The following SLC6A20 variants were observed in gnomAD, a reference collection of about 807,000 sequenced individuals.
SLC6A20 encodes sodium- and chloride-dependent transporter XTRP3.
SLC6A20 carries 73 observed loss-of-function variants against 64.3 expected under a neutral mutation model. The observed-to-expected ratio is 1.14, with a 90% confidence interval of 0.94 to 1.38. SLC6A20 has a LOEUF of 1.38. Among genes scored for constraint, SLC6A20 ranks in the 40% most tolerant of loss-of-function variants. The pLI, the probability that SLC6A20 is intolerant of heterozygous loss-of-function variation, is 0.00. For missense variants in SLC6A20, 725 were observed against 772.8 expected (o/e 0.94, Z 0.73); for synonymous variants, 347 against 329.6 (o/e 1.05, Z -0.57).
chr3:45,758,929 G>A lies in SLC6A20; in HGVS notation c.*49C>T, dbSNP rs760029237. On this transcript the variant is annotated 3_prime_UTR_variant, in exon 11 of 11. Transcript: ENST00000358525. ...TTGAAAAAGCAGCCGAGGAGTTTCC[G>A]CCTGTAAATAGTATCTGTAAAACCG... 18 of 1,532,686 alleles carry A rather than the reference G, an allele frequency of 1.2e-5. No individual in the cohort carries two copies. Among genetic ancestry groups the A allele is most frequent in the Non-Finnish European group, 1.5e-5 (17 of 1,139,036 alleles). 94.9% of individuals were successfully genotyped at this position (1,532,686 alleles called of 1,614,324 possible).
rs886058538 is a variant in SLC6A20 at position 45,758,334 on chromosome 3, G to A, written c.*644C>T. ...CTAATGTGGTTTGGGGTTGCAAACT[G>A]TAGTTGGGGCAATTTTTTGTAGAGA... On this transcript the variant is annotated 3_prime_UTR_variant, in exon 11 of 11. Transcript: ENST00000358525. 1.5e-5 allele frequency: 14 copies of A among 954,678 alleles called. No individual in the cohort carries two copies. Among genetic ancestry groups the A allele is most frequent in the Non-Finnish European group, 1.9e-5 (13 of 696,636 alleles). 59.1% of individuals were successfully genotyped at this position (954,678 alleles called of 1,614,324 possible).
At chr3:45,786,970 C>A (rs1045690483) in intron 1 of SLC6A20, among the ~76,000 whole-genome samples, 1 of 152,236 alleles carries the variant, frequency 6.6e-6, no homozygotes, top group Non-Finnish European at 1.5e-5. Flanking sequence ...CACCACCTCC[C>A]TGGCACCCAC....
In SLC6A20 at chr3:45,776,002, G is replaced by A. The variant is rs779518157; in HGVS notation, c.355-14C>T. ...CGGCAGGGGATCCTGTGGGACCAAA[G>A]CAAGTGTTATCCAGGGAGGTGAAGG... On this transcript the variant is annotated splice_polypyrimidine_tract_variant and intron_variant, in intron 3 of 10. Coordinates refer to ENST00000358525, the MANE Select transcript of SLC6A20 (RefSeq NM_020208.4). The A allele has an allele frequency of 1.9e-6, 3 of 1,613,116 alleles. No individual in the cohort carries two copies. The African/African-American group carries it at 4.0e-5, about 22-fold the overall frequency.
intron 1 of SLC6A20, among the ~76,000 whole-genome samples, chr3:45,787,159 T>C (rs1700183232): frequency 6.6e-6 from 1 of 152,194 alleles, no homozygotes; most frequent in South Asian, 2.1e-4. Context: ...ACTCCCTCCC[T>C]TGACCTCTGA....
At chr3:45,789,862 G>C (rs1700221289) in intron 1 of SLC6A20, among the ~76,000 whole-genome samples, 1 of 152,122 alleles carries the variant, frequency 6.6e-6, no homozygotes, top group African/African-American at 2.4e-5. Context: ...AAAGTGCTGG[G>C]ATTACAGGCA....
chr3:45,762,737 T>A (rs976709288), intron 9 of SLC6A20, among the ~76,000 whole-genome samples, 176 bp downstream of exon 9: 2 of 152,148 alleles, frequency 1.3e-5, no homozygotes, highest in African/African-American at 4.8e-5. Flanking sequence ...AAACTGAGCA[T>A]GGAATAGAGG....
At chr3:45,785,913 G>A (rs2125655071) in intron 1 of SLC6A20, among the ~76,000 whole-genome samples, 1 of 152,204 alleles carries the variant, frequency 6.6e-6, no homozygotes, top group East Asian at 1.9e-4. Flanking sequence ...GTGTGCCTGA[G>A]ACAGCCATGT....
chr3:45,792,927 A>C (rs554075308), intron 1 of SLC6A20, among the ~76,000 whole-genome samples: 12 of 152,186 alleles, frequency 7.9e-5, no homozygotes, highest in Non-Finnish European at 1.8e-4. Context: ...AGTGTGGTCC[A>C]TGGACCAAGC....
chr3:45,773,168 T>C (rs1027373294), intron 4 of SLC6A20, among the ~76,000 whole-genome samples: 3 of 152,120 alleles, frequency 2.0e-5, no homozygotes, highest in Non-Finnish European at 2.9e-5. Flanking sequence ...GGAGGACAGA[T>C]TTCCCCAGGA....
At chr3:45,771,686 T>C (rs1003542278) in intron 5 of SLC6A20, 3 of 646,112 alleles carry the variant, frequency 4.6e-6, no homozygotes, top group South Asian at 3.9e-5. Context: ...CTGTGGAGAA[T>C]ACAGGTGCTA....
At chr3:45,770,902 C>T (rs1441300306) in intron 6 of SLC6A20, among the ~76,000 whole-genome samples, 1 of 152,226 alleles carries the variant, frequency 6.6e-6, no homozygotes, top group East Asian at 1.9e-4. Context: ...GTGAATCCTG[C>T]AATCTCTGTG....
intron 3 of SLC6A20, among the ~76,000 whole-genome samples, chr3:45,779,703 TAGTG>T (rs777060873): frequency 3.2e-4 from 48 of 152,330 alleles, no homozygotes; most frequent in Non-Finnish European, 5.6e-4. Context: ...TAGTTCTTAA[TAGTG>T]TGTGTGTGGG....
At chr3:45,775,693 G>A in intron 4 of SLC6A20, 68 bp downstream of exon 4, 1 of 1,473,464 alleles carries the variant, frequency 6.8e-7, no homozygotes, top group Non-Finnish European at 9.2e-7. Flanking sequence ...TGGAGACAGA[G>A]GCAGCTGCCC....
chr3:45,796,159 G>A (rs1700341910), intron 1 of SLC6A20, 140 bp downstream of exon 1: 4 of 1,457,964 alleles, frequency 2.7e-6, no homozygotes, highest in Admixed American at 2.1e-5. Flanking sequence ...GAACACTCCC[G>A]GGTCTGTAAC....
intron 2 of SLC6A20, among the ~76,000 whole-genome samples, chr3:45,780,676 C>T (rs933744554): frequency 2.0e-5 from 3 of 152,146 alleles, no homozygotes; most frequent in Admixed American, 1.3e-4. Context: ...CAGGGTGCGG[C>T]CTGAGAGCAC....
rs1368008400 is a variant in SLC6A20 at position 45,770,360 on chromosome 3, A to C, written c.947T>G (p.Leu316Arg). 1 of 1,614,042 alleles carries C rather than the reference A, an allele frequency of 6.2e-7. No individual in the cohort carries two copies. Among genetic ancestry groups the C allele is most frequent in the East Asian group, 2.2e-5 (1 of 44,892 alleles). Residue 316 changes from leucine to arginine, a missense_variant, in exon 7 of 11, where the codon CTG becomes CGG. Leu to Arg is a moderately radical substitution (Grantham distance 102). Transcript: ENST00000358525. ...YENCLKKVSL[L>R]LTNTFDLEDG... ...TTCAAGGTCAAAAGTGTTGGTCAGC[A>C]GCAGACTCACCCTGCAGAGCAGACC...
chr3:45,757,721 C>T lies in SLC6A20; in HGVS notation c.*1257G>A, dbSNP rs145987519. 51 of 157,128 alleles carry T rather than the reference C, an allele frequency of 3.2e-4. 1 individual carries two copies. In the East Asian group the frequency reaches 8.3e-3, roughly 26 times the overall value. The allele number at this position is 157,128 out of a possible 1,614,324, so 9.7% of individuals were successfully genotyped here. On this transcript the variant is annotated 3_prime_UTR_variant, in exon 11 of 11. Transcript: ENST00000358525. ...GTAACAATCTGATCTTTCTTTTCCCCACATGGACTAATGCGATATCATAGA... is the reference window on the plus strand; with the variant it reads ...GTAACAATCTGATCTTTCTTTTCCCTACATGGACTAATGCGATATCATAGA...
chr3:45,793,264 A>G (rs1239092363), intron 1 of SLC6A20, among the ~76,000 whole-genome samples: 1 of 152,136 alleles, frequency 6.6e-6, no homozygotes, highest in Non-Finnish European at 1.5e-5. Flanking sequence ...AAAAAAATCC[A>G]TATTTCCACC....
chr3:45,781,634 G>C (rs529553726), intron 2 of SLC6A20, among the ~76,000 whole-genome samples: 2 of 152,318 alleles, frequency 1.3e-5, no homozygotes, highest in South Asian at 4.1e-4. Flanking sequence ...CAACACCTCA[G>C]CGGTGTAAAG....
Sources: allele counts gnomAD v4.1 joint callset (sites outside exome capture counted in the v4.1 genomes callset), GRCh38; gene constraint gnomAD v4.1.1; transcripts MANE v1.5; gene names NCBI Gene and HGNC (gene_info 2026-07-23, HGNC 2026-07-21).